The following DPP10 variants were observed in gnomAD, a reference collection of about 807,000 sequenced individuals.
DPP10 encodes dipeptidyl peptidase like 10, also known as inactive dipeptidyl peptidase 10.
In DPP10, 33 loss-of-function variants were observed where a neutral mutation model predicts 120.9. The ratio of observed to expected loss-of-function variants is 0.27; its 90% confidence interval spans 0.21 to 0.37. DPP10 has a LOEUF of 0.37. DPP10 is among the 10% of genes least tolerant of loss of function. The pLI, the probability that DPP10 is intolerant of heterozygous loss-of-function variation, is 1.00. For missense variants in DPP10, 816 were observed against 942.8 expected, an observed-to-expected ratio of 0.87 and a Z score of 1.76; for synonymous variants, 337 against 326.1, an observed-to-expected ratio of 1.03 and a Z score of -0.36.
In DPP10 at chr2:115,473,285, G is replaced by T. The variant is rs182894274; in HGVS notation, c.272-26225G>T. Among the ~76,000 whole-genome samples, 1,124 of 152,158 alleles carry T rather than the reference G, an allele frequency of 7.4e-3. 6 individuals are homozygous for T. The highest frequency in any genetic ancestry group is 0.025 in the African/African-American group (1,029 of 41,520). ...AGGGTTAGTAAGTTCAACTTCTACTGGTTTCTGTTATTTATTTGAGAACCT... is the reference window on the plus strand; with the variant it reads ...AGGGTTAGTAAGTTCAACTTCTACTTGTTTCTGTTATTTATTTGAGAACCT... On this transcript the variant is annotated intron_variant, in intron 3 of 25. Coordinates refer to ENST00000410059, the MANE Select transcript of DPP10 (RefSeq NM_020868.6).
At chr2:115,202,747 G>A (rs1391819972) in intron 1 of DPP10, among the ~76,000 whole-genome samples, 1 of 152,154 alleles carries the variant, frequency 6.6e-6, no homozygotes, top group Non-Finnish European at 1.5e-5. Flanking sequence ...ATGAGCACTG[G>A]AAGTATGGCT....
At chr2:114,843,711 T>G (rs1411247685) in intron 1 of DPP10, among the ~76,000 whole-genome samples, 1 of 152,104 alleles carries the variant, frequency 6.6e-6, no homozygotes, top group Non-Finnish European at 1.5e-5. Flanking sequence ...TAACCTTCTT[T>G]CCCATTTATC....
chr2:115,590,309 C>T (rs1466704780), intron 5 of DPP10, among the ~76,000 whole-genome samples: 1 of 151,896 alleles, frequency 6.6e-6, no homozygotes, highest in Non-Finnish European at 1.5e-5. Flanking sequence ...TAATGCTATC[C>T]CTCCCCCTTA....
At chr2:115,240,417 G>C (rs895853130) in intron 1 of DPP10, among the ~76,000 whole-genome samples, 4 of 152,122 alleles carry the variant, frequency 2.6e-5, no homozygotes, top group African/African-American at 9.7e-5. Flanking sequence ...AGAAGTATCT[G>C]TTCATATCCT....
chr2:115,647,325 A>C (rs1006155314), intron 5 of DPP10, among the ~76,000 whole-genome samples: 1 of 152,146 alleles, frequency 6.6e-6, no homozygotes, highest in Non-Finnish European at 1.5e-5. Context: ...TGGCAGCAGC[A>C]CATAGGAAGC....
At chr2:115,341,385 C>T (rs887278479) in intron 2 of DPP10, among the ~76,000 whole-genome samples, 46 of 152,226 alleles carry the variant, frequency 3.0e-4, no homozygotes, top group African/African-American at 1.1e-3. Context: ...ACAGACCATG[C>T]ATAGCTTCCC....
chr2:114,833,838 A>T (rs527477568), intron 1 of DPP10: 1 of 152,294 alleles, frequency 6.6e-6, no homozygotes, highest in African/African-American at 2.4e-5. Flanking sequence ...ACAAGAATTG[A>T]TATGGTCAAA....
chr2:115,199,178 C>T (rs2055508481), intron 1 of DPP10, among the ~76,000 whole-genome samples: 1 of 152,040 alleles, frequency 6.6e-6, no homozygotes, highest in African/African-American at 2.4e-5. Flanking sequence ...TTTTAACAAA[C>T]TTCAAATTCT....
intron 11 of DPP10, among the ~76,000 whole-genome samples, chr2:115,753,562 A>C (rs1414452981): frequency 6.6e-6 from 1 of 152,144 alleles, no homozygotes; most frequent in Non-Finnish European, 1.5e-5. Flanking sequence ...AGTATAATCC[A>C]AGCCACGTTA....
At chr2:115,275,060 C>T (rs773015384) in intron 1 of DPP10, among the ~76,000 whole-genome samples, 4 of 152,166 alleles carry the variant, frequency 2.6e-5, no homozygotes, top group Non-Finnish European at 5.9e-5. Flanking sequence ...TTTAAACCAG[C>T]TTTAGGAGAA....
chr2:115,358,813 A>C (rs946980944), intron 3 of DPP10, among the ~76,000 whole-genome samples: 1 of 152,186 alleles, frequency 6.6e-6, no homozygotes, highest in Non-Finnish European at 1.5e-5. Context: ...GGAAGCAAAC[A>C]TATCCTTCAC....
chr2:115,573,916 C>T (rs1488923065), intron 5 of DPP10, among the ~76,000 whole-genome samples: 1 of 152,126 alleles, frequency 6.6e-6, no homozygotes, highest in Non-Finnish European at 1.5e-5. Context: ...CTGTATGCAT[C>T]TTTTGGTAAC....
At chr2:115,223,559 C>A (rs973582512) in intron 1 of DPP10, among the ~76,000 whole-genome samples, 1 of 151,880 alleles carries the variant, frequency 6.6e-6, no homozygotes, top group Non-Finnish European at 1.5e-5. Context: ...AAACTGTGTT[C>A]AGGATAATGT....
At chr2:114,699,016 ATTTT>A (rs1700228917) in intron 1 of DPP10, among the ~76,000 whole-genome samples, 1 of 152,034 alleles carries the variant, frequency 6.6e-6, no homozygotes, top group Non-Finnish European at 1.5e-5. Flanking sequence ...AAAAGTACCT[ATTTT>A]TTAATGACTG....
At chr2:115,096,581 T>C (rs2048406357) in intron 1 of DPP10, among the ~76,000 whole-genome samples, 1 of 152,074 alleles carries the variant, frequency 6.6e-6, no homozygotes. Flanking sequence ...ACACAGATGC[T>C]CCTCAATTTT....
At chr2:115,071,960 A>G (rs140351815) in intron 1 of DPP10, among the ~76,000 whole-genome samples, 1 of 152,216 alleles carries the variant, frequency 6.6e-6, no homozygotes, top group Non-Finnish European at 1.5e-5. Flanking sequence ...AAGAATGAGA[A>G]CAGCAAAGAA....
intron 5 of DPP10, among the ~76,000 whole-genome samples, chr2:115,674,390 T>G (rs775446532): frequency 3.3e-5 from 5 of 152,014 alleles, no homozygotes; most frequent in Non-Finnish European, 7.4e-5. Flanking sequence ...ATGATGTTTT[T>G]TTTTTTTTAA....
chr2:115,552,758 C>T (rs920166620), intron 5 of DPP10, among the ~76,000 whole-genome samples: 8 of 152,040 alleles, frequency 5.3e-5, no homozygotes, highest in African/African-American at 1.9e-4. Flanking sequence ...AAACCTTACT[C>T]AGAAACCTCA....
intron 1 of DPP10, among the ~76,000 whole-genome samples, chr2:115,118,574 T>C (rs532794376): frequency 6.6e-6 from 1 of 152,232 alleles, no homozygotes; most frequent in Admixed American, 6.5e-5. Context: ...TTTTTTTGTT[T>C]TGTTTTTTGT....
Sources: allele counts gnomAD v4.1 joint callset (sites outside exome capture counted in the v4.1 genomes callset), GRCh38; gene constraint gnomAD v4.1.1; transcripts MANE v1.5; gene names NCBI Gene and HGNC (gene_info 2026-07-23, HGNC 2026-07-21).